Variants in LARGE1 observed in about 807,000 individuals in gnomAD.
LARGE1 encodes xylosyl- and glucuronyltransferase LARGE1.
A neutral mutation model predicts 87.6 loss-of-function variants in LARGE1; 43 were observed. The ratio of observed to expected loss-of-function variants is 0.49; its 90% CI spans 0.38 to 0.63. The LOEUF is 0.63. Among genes scored for constraint, LARGE1 ranks in the 30% least tolerant of loss-of-function variants. The pLI is 0.00. For synonymous variants in LARGE1, 434 were observed against 394.6 expected (o/e 1.10, Z -1.18); for missense variants, 802 against 1,000.2 (o/e 0.80, Z 2.67).
At chr22:33,919,487 G>A (rs549768141) in intron 1 of LARGE1, among the ~76,000 whole-genome samples, 3 of 152,324 alleles carry the variant, frequency 2.0e-5, no homozygotes, top group Non-Finnish European at 4.4e-5. Context: ...AGATAGCAAT[G>A]CCAACCAACC....
intron 11 of LARGE1, among the ~76,000 whole-genome samples, chr22:33,261,405 C>T (rs1927617876): frequency 6.6e-6 from 1 of 152,164 alleles, no homozygotes; most frequent in African/African-American, 2.4e-5. Flanking sequence ...CTCTTCTTTA[C>T]CTATGCTCAC....
intron 6 of LARGE1, among the ~76,000 whole-genome samples, chr22:33,442,940 C>T (rs1328445892): frequency 1.3e-5 from 2 of 152,066 alleles, no homozygotes; most frequent in Non-Finnish European, 2.9e-5. Flanking sequence ...CTACAGGCGC[C>T]CGCACCACAT....
At chr22:33,177,212 G>A (rs565867037) in intron 11 of LARGE1, among the ~76,000 whole-genome samples, 146 of 152,152 alleles carry the variant, frequency 9.6e-4, no homozygotes, top group Non-Finnish European at 1.5e-3. Flanking sequence ...GTAGATGATG[G>A]GTTGATGGGT....
In LARGE1 at chr22:33,386,552, T is replaced by C. The variant is rs115489907; in HGVS notation, c.893-2248A>G. ...GAAAAAAACGGCCGGATTTGTAGCATTTGCCAATTGCCAAGGTGTAAACAC... is the reference window on the plus strand; with the variant it reads ...GAAAAAAACGGCCGGATTTGTAGCACTTGCCAATTGCCAAGGTGTAAACAC... On this transcript the variant is annotated intron_variant, in intron 7 of 14. Coordinates refer to ENST00000397394, the MANE Select transcript of LARGE1 (RefSeq NM_133642.5). Among the ~76,000 whole-genome samples, 353 of 149,018 alleles carry C rather than the reference T, an allele frequency of 2.4e-3. 9 individuals carry two copies. Among genetic ancestry groups the C allele is most frequent in the African/African-American group, 8.2e-3 (339 of 41,128 alleles).
intron 1 of LARGE1, among the ~76,000 whole-genome samples, chr22:33,787,091 A>G (rs1007170148): frequency 1.3e-5 from 2 of 152,112 alleles, no homozygotes; most frequent in African/African-American, 4.8e-5. Flanking sequence ...CTTCCCTCTC[A>G]GAATGTTTTG....
At chr22:33,467,063 A>C (rs923150519) in intron 6 of LARGE1, among the ~76,000 whole-genome samples, 7 of 152,172 alleles carry the variant, frequency 4.6e-5, no homozygotes, top group African/African-American at 1.7e-4. Flanking sequence ...CTGTTCTCTC[A>C]TGTTGATCCT....
At chr22:33,797,267 C>T (rs956259848) in intron 1 of LARGE1, among the ~76,000 whole-genome samples, 6 of 152,308 alleles carry the variant, frequency 3.9e-5, no homozygotes, top group Middle Eastern at 6.8e-3. Flanking sequence ...GCACCTCCTC[C>T]CTTCTCAGCT....
chr22:33,878,125 A>ATTT (rs1601836110), intron 1 of LARGE1, among the ~76,000 whole-genome samples: 3 of 51,236 alleles, frequency 5.9e-5, no homozygotes, highest in Non-Finnish European at 8.1e-5. Flanking sequence ...TTTATATTGT[A>ATTT]TTTCTTTTTT....
At chr22:33,486,660 T>G (rs1430331150) in intron 6 of LARGE1, among the ~76,000 whole-genome samples, 1 of 152,144 alleles carries the variant, frequency 6.6e-6, no homozygotes, top group East Asian at 1.9e-4. Context: ...TTTCACAGAA[T>G]TCATCTAAAT....
intron 11 of LARGE1, among the ~76,000 whole-genome samples, chr22:33,184,114 TG>T (rs1923348641): frequency 1.5e-5 from 1 of 65,668 alleles, no homozygotes; most frequent in Non-Finnish European, 3.7e-5. Context: ...CATATCTTTA[TG>T]CTATATACCT....
intron 6 of LARGE1, among the ~76,000 whole-genome samples, chr22:33,548,097 C>T (rs1424947362): frequency 2.6e-5 from 4 of 152,170 alleles, no homozygotes; most frequent in East Asian, 1.9e-4. Context: ...TGATCCCCAG[C>T]GTTGGAGGTA....
chr22:33,755,390 C>T (rs1432277450), intron 2 of LARGE1, among the ~76,000 whole-genome samples: 1 of 152,198 alleles, frequency 6.6e-6, no homozygotes, highest in East Asian at 1.9e-4. Flanking sequence ...GAAACCTTTG[C>T]ACCGAGCTGG....
intron 6 of LARGE1, among the ~76,000 whole-genome samples, chr22:33,515,994 C>A (rs1200005405): frequency 6.6e-6 from 1 of 152,200 alleles, no homozygotes; most frequent in East Asian, 1.9e-4. Flanking sequence ...CGTGTCCAGG[C>A]CCTCTAAGAG....
intron 7 of LARGE1, among the ~76,000 whole-genome samples, chr22:33,429,871 A>C (rs796715275): frequency 1.2e-4 from 18 of 152,274 alleles, no homozygotes; most frequent in African/African-American, 4.3e-4. Context: ...CTGTGGGTTC[A>C]TGGAGGGTCC....
At position 33,386,760 on chromosome 22, in the gene LARGE1, G is replaced by C. The variant is rs111646148; in HGVS notation, c.893-2456C>G. ...CAAAGTTACAAACCAAGAGAATATA[G>C]TGATGTAAGTCACTGGTGACTGATT... On this transcript the variant is annotated intron_variant, in intron 7 of 14. Coordinates refer to ENST00000397394, the MANE Select transcript of LARGE1 (RefSeq NM_133642.5). Among the ~76,000 whole-genome samples, 62 of 148,972 alleles carry C rather than the reference G, an allele frequency of 4.2e-4. 5 individuals carry two copies. The highest frequency in any genetic ancestry group is 1.4e-3 in the African/African-American group (59 of 41,120).
At chr22:33,863,138 C>T (rs1245982400) in intron 1 of LARGE1, among the ~76,000 whole-genome samples, 1 of 152,124 alleles carries the variant, frequency 6.6e-6, no homozygotes, top group Non-Finnish European at 1.5e-5. Context: ...CGGGAGCCGA[C>T]AGTTTAGGGT....
At chr22:33,502,789 G>A (rs965678755) in intron 6 of LARGE1, among the ~76,000 whole-genome samples, 15 of 152,162 alleles carry the variant, frequency 9.9e-5, no homozygotes, top group Non-Finnish European at 1.3e-4. Context: ...GGATGGTCTC[G>A]ATCTCTTGAC....
intron 10 of LARGE1, among the ~76,000 whole-genome samples, chr22:33,335,401 G>T (rs2146540157): frequency 6.6e-6 from 1 of 152,280 alleles, no homozygotes; most frequent in South Asian, 2.1e-4. Flanking sequence ...GATCCACTGT[G>T]ACTTGGGGAC....
chr22:33,551,473 A>T lies in LARGE1; in HGVS notation c.787+13375T>A, dbSNP rs562793660. 2.0e-5 allele frequency among the ~76,000 whole-genome samples: 3 copies of T among 152,286 alleles called. No homozygotes were observed. In the East Asian group the frequency reaches 5.8e-4, roughly 29 times the overall value. On this transcript the variant is annotated intron_variant, in intron 6 of 14. Coordinates refer to ENST00000397394, the MANE Select transcript of LARGE1 (RefSeq NM_133642.5). ...TAGCCTTCACATGGCTATTAGTTCA[A>T]TTTGGCCTGTTGCTTATGGAGAGTA...
Sources: gnomAD v4.1 joint callset for allele counts (sites outside exome capture counted in the v4.1 genomes callset) on GRCh38, gnomAD v4.1.1 for gene constraint, MANE v1.5 for transcripts, NCBI Gene and HGNC (gene_info 2026-07-23, HGNC 2026-07-21) for gene names.